PAPPA2: variants seen among roughly 807,000 people sequenced by gnomAD.
The protein encoded by PAPPA2 is pappalysin 2.
A neutral mutation model predicts 176.4 loss-of-function variants in PAPPA2; 86 were observed. The observed-to-expected ratio is 0.49, with a 90% CI of 0.41 to 0.58. The LOEUF (loss-of-function observed/expected upper bound fraction) is 0.58. Ranked by LOEUF, PAPPA2 falls within the 20% of genes least tolerant of loss-of-function variation. PAPPA2 has a pLI of 0.00. For missense variants in PAPPA2, 2,073 were observed against 2,256.9 expected (o/e 0.92, Z 1.65); for synonymous variants, 809 against 852.2 (o/e 0.95, Z 0.88).
chr1:176,684,397 T>C (rs1659735405), intron 4 of PAPPA2, among the ~76,000 whole-genome samples: 1 of 152,150 alleles, frequency 6.6e-6, no homozygotes, highest in African/African-American at 2.4e-5. Flanking sequence ...TGGGGGAGCC[T>C]GAAAGTGCCT....
chr1:176,685,735 T>C (rs1208294685), intron 4 of PAPPA2, among the ~76,000 whole-genome samples: 1 of 152,220 alleles, frequency 6.6e-6, no homozygotes, highest in African/African-American at 2.4e-5. Context: ...ATTGCCACTC[T>C]AACCACTCAG....
chr1:176,467,583 A>T (rs1651683697), intron 1 of PAPPA2, among the ~76,000 whole-genome samples: 1 of 152,218 alleles, frequency 6.6e-6, no homozygotes, highest in South Asian at 2.1e-4. Flanking sequence ...GGGGCAGTGG[A>T]TGCCTCATTT....
intron 2 of PAPPA2, among the ~76,000 whole-genome samples, chr1:176,589,832 T>C: frequency 6.6e-6 from 1 of 152,236 alleles, no homozygotes. Flanking sequence ...TTGGACTTCA[T>C]TGGTTTTGTC....
At position 176,749,261 on chromosome 1, in the gene PAPPA2, A is replaced by G. The variant is rs139112937; in HGVS notation, c.4151+9065A>G. On this transcript the variant is annotated intron_variant, in intron 14 of 22. Transcript: ENST00000367662. ...AAGTGGTTGTGCCATTTAAAAGAGC[A>G]TTGTTGTTTTATTTTTAAGGTCTTT... Among the ~76,000 whole-genome samples, 446 of 152,316 alleles carry G rather than the reference A, an allele frequency of 2.9e-3. 3 individuals carry two copies. The highest frequency in any genetic ancestry group is 0.01 in the African/African-American group (418 of 41,574).
chr1:176,549,471 T>C (rs1650818361), intron 1 of PAPPA2, among the ~76,000 whole-genome samples: 1 of 152,258 alleles, frequency 6.6e-6, no homozygotes, highest in African/African-American at 2.4e-5. Flanking sequence ...AGGTCTTCTA[T>C]TCCAATCTTC....
At chr1:176,797,999 G>A (rs1218437551) in intron 20 of PAPPA2, among the ~76,000 whole-genome samples, 1 of 152,186 alleles carries the variant, frequency 6.6e-6, no homozygotes, top group Non-Finnish European at 1.5e-5. Flanking sequence ...GTAAGAAGTA[G>A]GAATGCTAGA....
At chr1:176,575,109 G>C (rs79472249) in intron 2 of PAPPA2, among the ~76,000 whole-genome samples, 1 of 152,112 alleles carries the variant, frequency 6.6e-6, no homozygotes, top group Non-Finnish European at 1.5e-5. Context: ...TTGCTGGATG[G>C]CCAAGGAAGC....
chr1:176,500,882 T>C (rs1647919401), intron 1 of PAPPA2, among the ~76,000 whole-genome samples: 1 of 151,986 alleles, frequency 6.6e-6, no homozygotes, highest in Non-Finnish European at 1.5e-5. Flanking sequence ...TATTGACTAA[T>C]ATGTGCTTTA....
At chr1:176,465,001 C>T (rs1651548843) in intron 1 of PAPPA2, among the ~76,000 whole-genome samples, 1 of 152,098 alleles carries the variant, frequency 6.6e-6, no homozygotes, top group Non-Finnish European at 1.5e-5. Flanking sequence ...GATTCTAATA[C>T]ACGTATAATT....
chr1:176,740,275 A>G (rs1201353154), intron 14 of PAPPA2, 79 bp downstream of exon 14: 3 of 1,379,088 alleles, frequency 2.2e-6, no homozygotes, highest in African/African-American at 2.9e-5. Flanking sequence ...AGTGTTATGT[A>G]TAGAGTGTTT....
intron 14 of PAPPA2, among the ~76,000 whole-genome samples, chr1:176,755,558 A>G (rs966429334): frequency 6.6e-6 from 1 of 152,196 alleles, no homozygotes; most frequent in African/African-American, 2.4e-5. Context: ...TGAATAGCTT[A>G]ATTTGTGTCC....
chr1:176,671,835 C>T (rs1659020682), intron 4 of PAPPA2, among the ~76,000 whole-genome samples: 1 of 146,068 alleles, frequency 6.8e-6, no homozygotes, highest in Non-Finnish European at 1.5e-5. Flanking sequence ...ACCACATCTT[C>T]TCACTCATAG....
intron 2 of PAPPA2, among the ~76,000 whole-genome samples, chr1:176,563,172 A>G (rs904059690): frequency 1.3e-5 from 2 of 152,240 alleles, no homozygotes; most frequent in African/African-American, 4.8e-5. Context: ...CTGACTGTCC[A>G]TTAAGGATGA....
chr1:176,792,915 A>G (rs886928950), intron 19 of PAPPA2, among the ~76,000 whole-genome samples: 16 of 152,188 alleles, frequency 1.1e-4, no homozygotes, highest in Non-Finnish European at 2.9e-5. Flanking sequence ...TTTTTCTACA[A>G]GAGACCAACA....
At chr1:176,763,381 G>A (rs1663786158) in intron 14 of PAPPA2, among the ~76,000 whole-genome samples, 5 of 152,206 alleles carry the variant, frequency 3.3e-5, no homozygotes, top group Admixed American at 1.3e-4. Context: ...AACAGTAAGT[G>A]CTCAGTAAAT....
At chr1:176,678,766 T>C (rs1369024094) in intron 4 of PAPPA2, among the ~76,000 whole-genome samples, 1 of 152,010 alleles carries the variant, frequency 6.6e-6, no homozygotes, top group Non-Finnish European at 1.5e-5. Flanking sequence ...TACTAAGTAC[T>C]ATCAGAAGAG....
intron 1 of PAPPA2, among the ~76,000 whole-genome samples, chr1:176,475,180 T>A (rs929313541): frequency 1.3e-5 from 2 of 152,168 alleles, no homozygotes; most frequent in Non-Finnish European, 2.9e-5. Flanking sequence ...ACGTGGCTCA[T>A]CTAAAACAAG....
Position 176,771,032 on chromosome 1 carries a change from T to G in PAPPA2, c.4567T>G (p.Leu1523Val). The G allele has an allele frequency of 1.9e-6, 3 of 1,614,198 alleles. No individual in the cohort carries two copies. The highest frequency in any genetic ancestry group is 2.5e-6 in the Non-Finnish European group (3 of 1,180,020). Residue 1523 changes from leucine to valine, a missense_variant, in exon 17 of 23, where the codon TTG becomes GTG. This residue lies in a region of PAPPA2 where 846 missense variants were observed against 857.9 expected (regional missense o/e 0.99). Transcript: ENST00000367662. The stretch of plus-strand genomic sequence containing the variant: ...GTCTCTCCCTGAAGTCTACTGCAAG[T>G]TGGAGTGTGATGCTCCCCCTATTAT... ...LWSLPEVYCK[L>V]ECDAPPIILN...
Position 176,690,429 on chromosome 1 carries a change from G to A in PAPPA2, c.2430G>A (p.Thr810=), listed in dbSNP as rs756939494. The part of the protein sequence containing the change: ...GAPFTNYMSY[T]DDNCTDNFTP... ...CGTTCACCAACTACATGAGCTACAC[G>A]GGTATCACCACTGTCTTGTTTTGTT... Residue 810 remains threonine, a splice_region_variant and synonymous_variant, in exon 5 of 23, where the codon ACG becomes ACA. Coordinates refer to ENST00000367662, the MANE Select transcript of PAPPA2 (RefSeq NM_020318.3). The A allele has an allele frequency of 1.1e-5, 17 of 1,613,388 alleles. No individual in the cohort carries two copies. The highest frequency in any genetic ancestry group is 2.2e-5 in the East Asian group (1 of 44,816).
Sources: gnomAD v4.1 joint callset for allele counts (sites outside exome capture counted in the v4.1 genomes callset) on GRCh38, gnomAD v4.1.1 for gene constraint, gnomAD v4.1.1 regional missense constraint, MANE v1.5 for transcripts, NCBI Gene and HGNC (gene_info 2026-07-23, HGNC 2026-07-21) for gene names.